Variants in CTNNA2 observed in about 807,000 individuals in gnomAD.
The protein encoded by CTNNA2 is catenin alpha-2.
A neutral mutation model predicts 101.0 loss-of-function variants in CTNNA2; 42 were observed. That is an observed-to-expected ratio of 0.42 (90% confidence interval 0.32 to 0.54). The LOEUF (loss-of-function observed/expected upper bound fraction) is 0.54, where lower values mean the gene tolerates loss of function less well. Among genes scored for constraint, CTNNA2 ranks in the 20% least tolerant of loss-of-function variants. The probability of loss-of-function intolerance (pLI) is 0.14; values close to 1 mark genes in which losing one functional copy is unlikely to be tolerated. For synonymous variants in CTNNA2, 450 were observed against 456.4 expected (o/e 0.99, Z 0.18); for missense variants, 871 against 1,223.1 (o/e 0.71, Z 4.29).
chr2:80,579,866 T>C (rs1367123600), intron 13 of CTNNA2, among the ~76,000 whole-genome samples: 1 of 152,226 alleles, frequency 6.6e-6, no homozygotes, highest in Non-Finnish European at 1.5e-5. Flanking sequence ...AGAATAAAAA[T>C]GTGCCCTTTT....
intron 3 of CTNNA2, among the ~76,000 whole-genome samples, chr2:79,837,788 A>G (rs1679501145): frequency 6.6e-6 from 1 of 152,162 alleles, no homozygotes; most frequent in African/African-American, 2.4e-5. Context: ...AATGTTTTTC[A>G]ACATTTAGCC....
At chr2:80,212,202 C>A (rs960329947) in intron 7 of CTNNA2, among the ~76,000 whole-genome samples, 1 of 152,026 alleles carries the variant, frequency 6.6e-6, no homozygotes, top group Non-Finnish European at 1.5e-5. Context: ...AATTGAATAC[C>A]CTTTATTTCT....
intron 4 of CTNNA2, among the ~76,000 whole-genome samples, chr2:79,375,930 T>C (rs977539253): frequency 6.6e-6 from 1 of 152,128 alleles, no homozygotes; most frequent in Admixed American, 6.5e-5. Flanking sequence ...CTGTAACTCA[T>C]GACAAAGACT....
chr2:79,195,577 C>G (rs1376674459), intron 1 of CTNNA2, among the ~76,000 whole-genome samples: 1 of 152,148 alleles, frequency 6.6e-6, no homozygotes, highest in Non-Finnish European at 1.5e-5. Context: ...TGCTTCAGAC[C>G]AGGAAACCAA....
chr2:79,864,333 A>G (rs1335111947), intron 4 of CTNNA2, among the ~76,000 whole-genome samples: 1 of 152,160 alleles, frequency 6.6e-6, no homozygotes, highest in Non-Finnish European at 1.5e-5. Flanking sequence ...AGTGTTTGAA[A>G]CACCAGTGAT....
intron 7 of CTNNA2, among the ~76,000 whole-genome samples, chr2:80,043,933 GCACACTCATGTTGTGCATGTATA>G (rs1696350154): frequency 6.6e-6 from 1 of 152,174 alleles, no homozygotes; most frequent in Admixed American, 6.5e-5. Context: ...GTGCATGTAT[GCACACTCATGTTGTGCATGTATA>G]CACACCCATG....
intron 7 of CTNNA2, among the ~76,000 whole-genome samples, chr2:80,141,680 C>T (rs1387542148): frequency 6.6e-6 from 1 of 151,886 alleles, no homozygotes; most frequent in Non-Finnish European, 1.5e-5. Flanking sequence ...GTCTGCAAGG[C>T]CCAAAGCATG....
intron 2 of CTNNA2, among the ~76,000 whole-genome samples, chr2:79,219,017 T>C (rs915207189): frequency 4.6e-5 from 7 of 152,228 alleles, no homozygotes; most frequent in Non-Finnish European, 1.0e-4. Context: ...AGGGTGTGTG[T>C]ATGTATGTAT....
intron 1 of CTNNA2, among the ~76,000 whole-genome samples, chr2:79,518,890 T>G (rs528301828): frequency 1.3e-5 from 2 of 151,998 alleles, no homozygotes; most frequent in Non-Finnish European, 2.9e-5. Flanking sequence ...GTTTTTTTTT[T>G]CTAATATGTG....
intron 2 of CTNNA2, among the ~76,000 whole-genome samples, chr2:79,198,945 A>G (rs1046799352): frequency 4.3e-4 from 65 of 152,234 alleles, no homozygotes; most frequent in Admixed American, 4.3e-3. Flanking sequence ...AGGTGAGTGT[A>G]AAGAACAGAC....
At chr2:79,815,382 T>C (rs1293422878) in intron 3 of CTNNA2, among the ~76,000 whole-genome samples, 1 of 152,240 alleles carries the variant, frequency 6.6e-6, no homozygotes, top group Non-Finnish European at 1.5e-5. Flanking sequence ...AATGTTATCA[T>C]TGAGAATTTT....
intron 3 of CTNNA2, among the ~76,000 whole-genome samples, chr2:79,348,185 A>C (rs1054027404): frequency 4.6e-5 from 7 of 152,204 alleles, no homozygotes; most frequent in Non-Finnish European, 8.8e-5. Flanking sequence ...TACTCTATCA[A>C]TTGATGTTTC....
chr2:80,505,383 TTG>T (rs143808893), intron 9 of CTNNA2, among the ~76,000 whole-genome samples: 2,926 of 152,334 alleles, frequency 0.019, 90 homozygotes, highest in African/African-American at 0.066. Flanking sequence ...CTAACGTACA[TTG>T]TGTCAAGATC....
At chr2:79,312,903 C>T (rs1485184431) in intron 3 of CTNNA2, 3 of 151,854 alleles carry the variant, frequency 2.0e-5, no homozygotes, top group Non-Finnish European at 4.4e-5. Context: ...TTTTTTTCTC[C>T]TTTCAAAAAC....
At chr2:80,001,156 A>G (rs1004662738) in intron 7 of CTNNA2, among the ~76,000 whole-genome samples, 1 of 152,132 alleles carries the variant, frequency 6.6e-6, no homozygotes, top group Non-Finnish European at 1.5e-5. Flanking sequence ...TATTTAAACT[A>G]TCAGTAATTA....
At chr2:80,529,521 A>G (rs75183133) in intron 9 of CTNNA2, among the ~76,000 whole-genome samples, 1,752 of 152,310 alleles carry the variant, frequency 0.012, 37 homozygotes, top group African/African-American at 0.04. Flanking sequence ...AAGACCTCCA[A>G]ATAGTTTTAT....
At chr2:80,167,849 C>G (rs181646269) in intron 7 of CTNNA2, among the ~76,000 whole-genome samples, 1 of 152,040 alleles carries the variant, frequency 6.6e-6, no homozygotes, top group Non-Finnish European at 1.5e-5. Context: ...GTAGCTAATA[C>G]GTGATTGTAA....
intron 4 of CTNNA2, among the ~76,000 whole-genome samples, chr2:79,440,380 C>T (rs1482616848): frequency 5.9e-5 from 9 of 152,098 alleles, no homozygotes; most frequent in Admixed American, 5.9e-4. Flanking sequence ...GGAGGGTATT[C>T]TCTCTTGGCC....
chr2:80,409,313 C>T (rs550155826), intron 8 of CTNNA2, among the ~76,000 whole-genome samples: 2 of 151,832 alleles, frequency 1.3e-5, no homozygotes, highest in Admixed American at 1.3e-4. Context: ...AAAAAAAGTG[C>T]AATATGATGT....
Sources: allele counts gnomAD v4.1 joint callset (sites outside exome capture counted in the v4.1 genomes callset), GRCh38; gene constraint gnomAD v4.1.1; transcripts MANE v1.5; gene names NCBI Gene and HGNC (gene_info 2026-07-23, HGNC 2026-07-21).